The following HCN1 variants were observed in gnomAD, a reference collection of about 807,000 sequenced individuals.
The protein encoded by HCN1 is hyperpolarization activated cyclic nucleotide gated potassium channel 1, also known as potassium/sodium hyperpolarization-activated cyclic nucleotide-gated channel 1.
HCN1 carries 13 observed loss-of-function variants against 78.9 expected under a neutral mutation model. The observed-to-expected ratio is 0.16, with a 90% CI of 0.11 to 0.26. The LOEUF is 0.26. HCN1 is among the 10% of genes least tolerant of loss of function. The pLI, the probability that HCN1 is intolerant of heterozygous loss-of-function variation, is 1.00. For synonymous variants in HCN1, 552 were observed against 455.5 expected (o/e 1.21, Z -2.70); for missense variants, 810 against 1,154.3 (o/e 0.70, Z 4.32).
At chr5:45,305,524 C>T (rs1745711839) in intron 5 of HCN1, among the ~76,000 whole-genome samples, 1 of 152,098 alleles carries the variant, frequency 6.6e-6, no homozygotes, top group Non-Finnish European at 1.5e-5. Context: ...TCAAAATACA[C>T]ACTTGAGTCC....
intron 5 of HCN1, among the ~76,000 whole-genome samples, chr5:45,323,227 AGACTT>A (rs1026143822): frequency 1.3e-5 from 2 of 151,910 alleles, no homozygotes; most frequent in African/African-American, 4.8e-5. Context: ...CAGATTGTGA[AGACTT>A]GATAAAAAAA....
chr5:45,373,330 T>C (rs1430375210), intron 4 of HCN1, among the ~76,000 whole-genome samples: 1 of 121,320 alleles, frequency 8.2e-6, no homozygotes, highest in African/African-American at 3.2e-5. Context: ...ATATATTTCA[T>C]ATATTTAATA....
At chr5:45,606,223 G>T (rs1744724667) in intron 2 of HCN1, among the ~76,000 whole-genome samples, 1 of 151,990 alleles carries the variant, frequency 6.6e-6, no homozygotes, top group East Asian at 1.9e-4. Flanking sequence ...AATAGAAAAA[G>T]AACAAACGAT....
At chr5:45,500,310 A>G (rs1742162842) in intron 2 of HCN1, among the ~76,000 whole-genome samples, 1 of 152,224 alleles carries the variant, frequency 6.6e-6, no homozygotes, top group Admixed American at 6.5e-5. Flanking sequence ...AGTACAAAAT[A>G]TCAATAGCTT....
chr5:45,578,313 C>T (rs1258629500), intron 2 of HCN1, among the ~76,000 whole-genome samples: 7 of 151,792 alleles, frequency 4.6e-5, no homozygotes, highest in Admixed American at 2.0e-4. Flanking sequence ...AGTGATTAGG[C>T]GGTCTCTTCT....
intron 1 of HCN1, among the ~76,000 whole-genome samples, chr5:45,672,223 T>A (rs1455324692): frequency 6.6e-6 from 1 of 151,668 alleles, no homozygotes; most frequent in East Asian, 1.9e-4. Flanking sequence ...AAATCAAATA[T>A]CTACTGTGCA....
intron 1 of HCN1, among the ~76,000 whole-genome samples, chr5:45,649,431 C>T (rs565697320): frequency 6.6e-6 from 1 of 152,028 alleles, no homozygotes; most frequent in African/African-American, 2.4e-5. Context: ...CATTATCAAC[C>T]AGAGCCCACA....
rs757458816 is a variant in HCN1 at position 45,256,450 on chromosome 5, A to G, written c.*5471T>C. The G allele has an allele frequency of 2.0e-5, 3 of 151,970 alleles. No individual in the cohort carries two copies. The highest frequency in any genetic ancestry group is 4.4e-5 in the Non-Finnish European group (3 of 68,006). The allele number at this position is 151,970 out of a possible 1,614,324, so 9.4% of individuals were successfully genotyped here. A position where few individuals can be genotyped will look rare whatever the true frequency, so the allele number is the denominator to read the frequency against. On this transcript the variant is annotated 3_prime_UTR_variant, in exon 8 of 8. Transcript: ENST00000303230. ...GTTACATTAGAAATATAATAGCTCC[A>G]AAGAATGTTCACCTTTGCCACTCTT...
intron 5 of HCN1, among the ~76,000 whole-genome samples, chr5:45,306,447 G>T (rs1745735978): frequency 6.6e-6 from 1 of 151,956 alleles, no homozygotes; most frequent in African/African-American, 2.4e-5. Flanking sequence ...TCATATTATT[G>T]TTTGAAGAAA....
chr5:45,602,039 C>T (rs924794306), intron 2 of HCN1, among the ~76,000 whole-genome samples: 1 of 152,052 alleles, frequency 6.6e-6, no homozygotes, highest in Non-Finnish European at 1.5e-5. Flanking sequence ...AGGGGCTTCC[C>T]GCTTCACTGG....
At chr5:45,367,370 C>T (rs1163762953) in intron 4 of HCN1, among the ~76,000 whole-genome samples, 1 of 151,830 alleles carries the variant, frequency 6.6e-6, no homozygotes, top group East Asian at 1.9e-4. Flanking sequence ...TGTACACATA[C>T]ATGTCAACAT....
chr5:45,456,766 T>C (rs1741036375), intron 3 of HCN1, among the ~76,000 whole-genome samples: 1 of 152,036 alleles, frequency 6.6e-6, no homozygotes, highest in African/African-American at 2.4e-5. Flanking sequence ...TGTGATTTTA[T>C]ACAGTATTCT....
intron 1 of HCN1, among the ~76,000 whole-genome samples, chr5:45,672,903 T>C (rs900843988): frequency 7.9e-5 from 12 of 151,530 alleles, no homozygotes; most frequent in African/African-American, 2.9e-4. Flanking sequence ...AATTTCTCTA[T>C]TTTTAAATAT....
At chr5:45,453,519 C>T (rs1255679292) in intron 3 of HCN1, among the ~76,000 whole-genome samples, 4 of 152,034 alleles carry the variant, frequency 2.6e-5, no homozygotes, top group African/African-American at 7.2e-5. Context: ...TGAGCTCTTC[C>T]AGCAGTGCAG....
intron 2 of HCN1, among the ~76,000 whole-genome samples, chr5:45,600,461 A>G (rs1402898494): frequency 6.6e-6 from 1 of 152,212 alleles, no homozygotes; most frequent in Non-Finnish European, 1.5e-5. Flanking sequence ...TAAAATTTTT[A>G]GTTGCTGTAA....
intron 2 of HCN1, among the ~76,000 whole-genome samples, chr5:45,478,557 G>A (rs1741574809): frequency 6.6e-6 from 1 of 152,148 alleles, no homozygotes. Flanking sequence ...TAAGGTGATA[G>A]TTATCCGTAC....
intron 1 of HCN1, among the ~76,000 whole-genome samples, chr5:45,684,916 G>C (rs533547411): frequency 1.6e-4 from 24 of 152,150 alleles, no homozygotes; most frequent in African/African-American, 5.8e-4. Context: ...CATTTTTTCA[G>C]TCTCTGCTCA....
intron 2 of HCN1, among the ~76,000 whole-genome samples, chr5:45,628,603 T>C (rs1258374101): frequency 1.3e-5 from 2 of 152,174 alleles, no homozygotes; most frequent in Non-Finnish European, 1.5e-5. Context: ...TTAAAAGGAA[T>C]AGATTTTCAG....
chr5:45,261,076 T>G lies in HCN1; in HGVS notation c.*845A>C, dbSNP rs1280278073. The G allele has an allele frequency of 6.6e-6, 1 of 152,628 alleles. No individual in the cohort carries two copies. The highest frequency in any genetic ancestry group is 2.4e-5 in the African/African-American group (1 of 41,464). The allele number at this position is 152,628 out of a possible 1,614,324, so 9.5% of individuals were successfully genotyped here. ...AGCCATTGCATTACAATTGAATAAT[T>G]CTCACAATCAGGTTTTGTAAAATTT... On this transcript the variant is annotated 3_prime_UTR_variant, in exon 8 of 8. Coordinates refer to ENST00000303230, the MANE Select transcript of HCN1 (RefSeq NM_021072.4).
Sources: gnomAD v4.1 joint callset for allele counts (sites outside exome capture counted in the v4.1 genomes callset) on GRCh38, gnomAD v4.1.1 for gene constraint, MANE v1.5 for transcripts, NCBI Gene and HGNC (gene_info 2026-07-23, HGNC 2026-07-21) for gene names.